Variants in SRRM3 observed in about 807,000 individuals in gnomAD.
SRRM3 encodes serine/arginine repetitive matrix 3.
In SRRM3, 27 loss-of-function variants were observed where a neutral mutation model predicts 66.2. The ratio of observed to expected loss-of-function variants is 0.41; its 90% CI spans 0.30 to 0.56. The LOEUF (loss-of-function observed/expected upper bound fraction) is 0.56, where lower values mean the gene tolerates loss of function less well. SRRM3 is among the 20% of genes least tolerant of loss of function. SRRM3 has a pLI of 0.32. For missense variants in SRRM3, 918 were observed against 991.9 expected, an observed-to-expected ratio of 0.93 and a Z score of 1.00; for synonymous variants, 391 against 414.9, an observed-to-expected ratio of 0.94 and a Z score of 0.70.
At chr7:76,237,390 A>C (rs1439665410) in intron 2 of SRRM3, among the ~76,000 whole-genome samples, 5 of 152,086 alleles carry the variant, frequency 3.3e-5, no homozygotes, top group Admixed American at 1.3e-4. Flanking sequence ...TGGGTGACAG[A>C]GCAAGACTCC....
chr7:76,251,531 C>T (rs907417885), intron 3 of SRRM3, among the ~76,000 whole-genome samples: 5 of 152,134 alleles, frequency 3.3e-5, no homozygotes, highest in East Asian at 1.9e-4. Context: ...CACGCTGCCA[C>T]GCCCGGCTAA....
At chr7:76,209,671 CAT>C (rs1409904686) in intron 1 of SRRM3, among the ~76,000 whole-genome samples, 1 of 149,170 alleles carries the variant, frequency 6.7e-6, no homozygotes, top group Non-Finnish European at 1.5e-5. Context: ...ATAGTGAGAT[CAT>C]AGCTCACTGC....
At chr7:76,257,915 C>T (rs1801754264) in intron 3 of SRRM3, among the ~76,000 whole-genome samples, 1 of 152,162 alleles carries the variant, frequency 6.6e-6, no homozygotes, top group African/African-American at 2.4e-5. Context: ...GGTCACAAGG[C>T]GGCTCAGGAC....
intron 3 of SRRM3, among the ~76,000 whole-genome samples, chr7:76,258,693 G>A (rs1253385891): frequency 2.6e-5 from 3 of 114,502 alleles, no homozygotes; most frequent in Admixed American, 2.4e-4. Context: ...CAGCCTAGTC[G>A]ACAGAGTGAG....
intron 3 of SRRM3, among the ~76,000 whole-genome samples, chr7:76,251,527 G>A (rs1045406703): frequency 2.6e-5 from 4 of 152,066 alleles, no homozygotes; most frequent in East Asian, 1.9e-4. Context: ...GGCGCACGCT[G>A]CCACGCCCGG....
intron 1 of SRRM3, among the ~76,000 whole-genome samples, chr7:76,228,282 T>A (rs1177482942): frequency 2.6e-5 from 4 of 152,202 alleles, no homozygotes; most frequent in African/African-American, 9.7e-5. Flanking sequence ...CCTGTGAGAA[T>A]CTTGGGGCTC....
At chr7:76,272,447 A>G (rs1255446022) in intron 11 of SRRM3, among the ~76,000 whole-genome samples, 2 of 152,236 alleles carry the variant, frequency 1.3e-5, no homozygotes, top group East Asian at 3.9e-4. Context: ...GCATGCCTAC[A>G]ATCCCAGCCA....
chr7:76,215,270 A>T (rs1282069683), intron 1 of SRRM3, among the ~76,000 whole-genome samples: 1 of 151,984 alleles, frequency 6.6e-6, no homozygotes, highest in African/African-American at 2.4e-5. Flanking sequence ...CGTTTTGGGA[A>T]GAGAGAAAAA....
At chr7:76,236,028 A>AAAAAAAAAAAAAAAAAAC (rs1801142581) in intron 2 of SRRM3, among the ~76,000 whole-genome samples, 1 of 141,100 alleles carries the variant, frequency 7.1e-6, no homozygotes. Flanking sequence ...AAAAAAAAAA[A>AAAAAAAAAAAAAAAAAAC]AAGGCCGGGC....
chr7:76,224,994 G>A (rs544882760), intron 1 of SRRM3, among the ~76,000 whole-genome samples: 1 of 152,198 alleles, frequency 6.6e-6, no homozygotes, highest in Admixed American at 6.5e-5. Flanking sequence ...AATGGGACCA[G>A]CCCACCTTCG....
At chr7:76,277,998 G>A (rs1393006323) in intron 11 of SRRM3, among the ~76,000 whole-genome samples, 1 of 152,102 alleles carries the variant, frequency 6.6e-6, no homozygotes, top group Non-Finnish European at 1.5e-5. Context: ...GACGACCCAG[G>A]GTATAGGACA....
At chr7:76,257,904 A>G (rs1221013046) in intron 3 of SRRM3, among the ~76,000 whole-genome samples, 1 of 152,216 alleles carries the variant, frequency 6.6e-6, no homozygotes, top group Non-Finnish European at 1.5e-5. Context: ...GGCAGGCTCC[A>G]GGTCACAAGG....
intron 10 of SRRM3, among the ~76,000 whole-genome samples, chr7:76,265,969 C>T (rs1435394079): frequency 1.5e-5 from 1 of 68,758 alleles, no homozygotes; most frequent in Non-Finnish European, 2.2e-5. Context: ...CCCGGGTTCA[C>T]GCTATTCTCC....
At chr7:76,274,289 G>A (rs1485629086) in intron 11 of SRRM3, among the ~76,000 whole-genome samples, 1 of 152,266 alleles carries the variant, frequency 6.6e-6, no homozygotes, top group Non-Finnish European at 1.5e-5. Context: ...TTCCCTGGCT[G>A]CAGGATGGAG....
chr7:76,205,526 C>T (rs1554601049), intron 1 of SRRM3, among the ~76,000 whole-genome samples: 1 of 152,196 alleles, frequency 6.6e-6, no homozygotes, highest in African/African-American at 2.4e-5. Context: ...CCTCTCTTTA[C>T]AACACCAGCT....
At chr7:76,250,852 CT>C (rs1275993563) in intron 3 of SRRM3, among the ~76,000 whole-genome samples, 3 of 152,178 alleles carry the variant, frequency 2.0e-5, no homozygotes, top group African/African-American at 7.2e-5. Flanking sequence ...GCCCCACAGT[CT>C]GAGAAGTGAA....
intron 11 of SRRM3, among the ~76,000 whole-genome samples, chr7:76,274,429 G>C (rs1236118741): frequency 6.6e-6 from 1 of 152,210 alleles, no homozygotes; most frequent in Non-Finnish European, 1.5e-5. Flanking sequence ...AGCTGGCCAG[G>C]AGCAGGTTTG....
chr7:76,207,471 A>G (rs1471002215), intron 1 of SRRM3, among the ~76,000 whole-genome samples: 1 of 152,184 alleles, frequency 6.6e-6, no homozygotes. Context: ...GCTTTTTTCC[A>G]TGTGTCCGTA....
rs1801489647 is a variant in SRRM3 at position 76,248,243 on chromosome 7, GAGA to G, written c.292_294del (p.Lys98del). On this transcript the variant is annotated inframe_deletion, in exon 3 of 15. Transcript: ENST00000611745. ...GGGGACATTCCGGCAGATGCTGATG[GAGA>G]AGGAGGGAGTGCTCACCAGGGAGGA... 1 of 1,613,884 alleles carries G rather than the reference GAGA, an allele frequency of 6.2e-7. No individual in the cohort carries two copies. Among genetic ancestry groups the G allele is most frequent in the Non-Finnish European group, 8.5e-7 (1 of 1,179,856 alleles).
Sources: gnomAD v4.1 joint callset for allele counts (sites outside exome capture counted in the v4.1 genomes callset) on GRCh38, gnomAD v4.1.1 for gene constraint, MANE v1.5 for transcripts, NCBI Gene and HGNC (gene_info 2026-07-23, HGNC 2026-07-21) for gene names.